The following CFAP20DC variants were observed in gnomAD, a reference collection of about 807,000 sequenced individuals.
CFAP20DC encodes the protein CFAP20 domain containing, also known as protein CFAP20DC.
CFAP20DC carries 84 observed loss-of-function variants against 101.7 expected under a neutral mutation model. The ratio of observed to expected loss-of-function variants is 0.83; its 90% CI spans 0.69 to 0.99. The LOEUF is 0.99. Among genes scored for constraint, CFAP20DC ranks in the 50% least tolerant of loss-of-function variants. The pLI is 0.00. For synonymous variants in CFAP20DC, 359 were observed against 351.2 expected (o/e 1.02, Z -0.25); for missense variants, 1,007 against 970.3 (o/e 1.04, Z -0.50).
chr3:58,815,996 C>A (rs1034397809), intron 14 of CFAP20DC, among the ~76,000 whole-genome samples: 3 of 151,734 alleles, frequency 2.0e-5, no homozygotes, highest in African/African-American at 2.4e-5. Context: ...TTGACCCAGC[C>A]ATCCCATTAC....
chr3:58,930,521 A>G (rs2086493253), intron 5 of CFAP20DC, among the ~76,000 whole-genome samples: 1 of 152,144 alleles, frequency 6.6e-6, no homozygotes, highest in South Asian at 2.1e-4. Flanking sequence ...CCAGAATAAA[A>G]ATGTCCCTTT....
At chr3:58,862,506 T>C in intron 12 of CFAP20DC, 1 of 985,396 alleles carries the variant, frequency 1.0e-6, no homozygotes, top group Middle Eastern at 5.2e-4. Context: ...GCAAGAATAT[T>C]GTGAAAAGAC....
intron 6 of CFAP20DC, among the ~76,000 whole-genome samples, chr3:58,893,758 C>T (rs1279928377): frequency 6.6e-6 from 1 of 150,600 alleles, no homozygotes; most frequent in Non-Finnish European, 1.5e-5. Flanking sequence ...GTGAATCCAT[C>T]TGTTCCTGGG....
At chr3:58,807,395 C>A (rs183605093) in intron 14 of CFAP20DC, among the ~76,000 whole-genome samples, 1 of 152,196 alleles carries the variant, frequency 6.6e-6, no homozygotes, top group Non-Finnish European at 1.5e-5. Flanking sequence ...CAGACAGCAG[C>A]ATTCGTGGTT....
intron 13 of CFAP20DC, among the ~76,000 whole-genome samples, chr3:58,836,425 C>T (rs2076740938): frequency 6.6e-6 from 1 of 152,108 alleles, no homozygotes; most frequent in Non-Finnish European, 1.5e-5. Flanking sequence ...AATCAAACAT[C>T]TGATGATAGA....
chr3:58,730,940 T>C (rs2067633759), intron 3 of CFAP20DC, among the ~76,000 whole-genome samples: 1 of 152,180 alleles, frequency 6.6e-6, no homozygotes, highest in South Asian at 2.1e-4. Context: ...AAAACACGGA[T>C]GCCTCTGTGG....
At position 59,006,439 on chromosome 3, in the gene CFAP20DC, A is replaced by C. The variant is rs971487530; in HGVS notation, c.278+33118T>G. On this transcript the variant is annotated intron_variant, in intron 4 of 16. Coordinates refer to ENST00000482387, the MANE Select transcript of CFAP20DC (RefSeq NM_001394063.1). This position sits in a 1 kb window ranked among gnomAD's most constrained non-coding sequence, Gnocchi z 4.3. ...AAGAATTCACAGATCCTTTGAAAGA[A>C]GCAGCATGCTGCTGCAAATTCTGCG... 6.6e-6 allele frequency among the ~76,000 whole-genome samples: 1 copy of C among 152,244 alleles called. No individual in the cohort carries two copies. Among genetic ancestry groups the C allele is most frequent in the African/African-American group, 2.4e-5 (1 of 41,462 alleles).
chr3:58,826,783 T>A (rs2076068488), intron 14 of CFAP20DC, among the ~76,000 whole-genome samples: 1 of 152,162 alleles, frequency 6.6e-6, no homozygotes, highest in African/African-American at 2.4e-5. Flanking sequence ...TTCAAGGAAT[T>A]CACAACCAGG....
chr3:59,009,395 A>C (rs2093525809), intron 4 of CFAP20DC, among the ~76,000 whole-genome samples: 1 of 152,172 alleles, frequency 6.6e-6, no homozygotes, highest in South Asian at 2.1e-4. Flanking sequence ...ATACCAAAGA[A>C]AGGTAAAAAC....
In CFAP20DC at chr3:58,899,214, G is replaced by A. The variant is rs2082931264; in HGVS notation, c.550+14494C>T. Among the ~76,000 whole-genome samples the A allele has an allele frequency of 1.3e-5, 2 of 152,226 alleles. No individual in the cohort carries two copies. Among genetic ancestry groups the A allele is most frequent in the South Asian group, 4.1e-4 (2 of 4,828 alleles). On this transcript the variant is annotated intron_variant, in intron 6 of 16. Coordinates refer to ENST00000482387, the MANE Select transcript of CFAP20DC (RefSeq NM_001394063.1). The surrounding 1 kb of genome is among the most constrained non-coding windows in gnomAD (Gnocchi z 5.0). ...AAAACAGTCTGGCTGCTTTCTAGTA[G>A]TGCAGCTGTGCTGCGTTGTGGGAGA...
intron 15 of CFAP20DC, among the ~76,000 whole-genome samples, chr3:58,784,188 C>A (rs1295374801): frequency 1.3e-5 from 2 of 151,950 alleles, no homozygotes. Flanking sequence ...TATTGGTTTT[C>A]TATTCCTGGG....
chr3:58,993,153 C>T (rs1355991383), intron 4 of CFAP20DC, among the ~76,000 whole-genome samples: 1 of 151,996 alleles, frequency 6.6e-6, no homozygotes, highest in Non-Finnish European at 1.5e-5. Context: ...TGAAATATTC[C>T]GTATATATTG....
intron 14 of CFAP20DC, among the ~76,000 whole-genome samples, chr3:58,816,417 C>A (rs776306958): frequency 6.6e-6 from 1 of 152,270 alleles, no homozygotes; most frequent in South Asian, 2.1e-4. Context: ...ACAGTGGGCA[C>A]AGGCCAGTGG....
chr3:59,049,659 G>T lies in CFAP20DC; in HGVS notation c.-28C>A, dbSNP rs530726163. ...CCGCAGGGGGCCCAGGGCTTGGGGG[G>T]CACAGAGTTCAGGGTTTCCAGCGAG... is the stretch of plus-strand genomic sequence containing the variant. On this transcript the variant is annotated 5_prime_UTR_variant, in exon 1 of 17. Transcript: ENST00000482387. 2 of 1,535,510 alleles carry T rather than the reference G, an allele frequency of 1.3e-6. No individual in the cohort carries two copies. The highest frequency in any genetic ancestry group is 1.7e-6 in the Non-Finnish European group (2 of 1,146,556).
chr3:58,888,465 A>T (rs956153017), intron 6 of CFAP20DC, among the ~76,000 whole-genome samples: 1 of 152,104 alleles, frequency 6.6e-6, no homozygotes, highest in South Asian at 2.1e-4. Context: ...TTTATTACAT[A>T]GGTAAGTATG....
chr3:58,795,549 C>T lies in CFAP20DC; in HGVS notation c.2237+10846G>A, dbSNP rs770538817. 6.6e-5 allele frequency among the ~76,000 whole-genome samples: 10 copies of T among 152,160 alleles called. No individual in the cohort carries two copies. The highest frequency in any genetic ancestry group is 8.8e-5 in the Non-Finnish European group (6 of 68,030). On this transcript the variant is annotated intron_variant, in intron 15 of 16. Transcript: ENST00000482387. This position sits in a 1 kb window ranked among gnomAD's most constrained non-coding sequence, Gnocchi z 4.2. Reference sequence around the variant, plus strand: ...CTGGAGTGGGAGAGTTACCTGAGCCCGGGAGGCCGAGGCTGCAATGAGCCA... The same window carrying T: ...CTGGAGTGGGAGAGTTACCTGAGCCTGGGAGGCCGAGGCTGCAATGAGCCA...
chr3:58,717,727 T>C lies in CFAP20DC; in HGVS notation c.198-99A>G, dbSNP rs560039234. The C allele has an allele frequency of 2.7e-6, 1 of 368,668 alleles. No individual in the cohort carries two copies. Among genetic ancestry groups the C allele is most frequent in the South Asian group, 2.0e-5 (1 of 49,282 alleles). 22.8% of individuals were successfully genotyped at this position (368,668 alleles called of 1,614,324 possible). ...TCCATTGTTATCAGGAAAACAATGC[T>C]TTTTCTGGAAGTCTCATCCTGAATA... On this transcript the variant is annotated intron_variant, in intron 3 of 3. Transcript: ENST00000486145. This position sits in a 1 kb window ranked among gnomAD's most constrained non-coding sequence, Gnocchi z 4.1.
At chr3:58,990,425 T>C (rs909215767) in intron 4 of CFAP20DC, among the ~76,000 whole-genome samples, 2 of 152,204 alleles carry the variant, frequency 1.3e-5, no homozygotes, top group Non-Finnish European at 2.9e-5. Flanking sequence ...CATCTACTGC[T>C]GCTGAGGAGT....
At chr3:58,723,611 A>C (rs1180599033) in intron 3 of CFAP20DC, among the ~76,000 whole-genome samples, 3 of 152,194 alleles carry the variant, frequency 2.0e-5, no homozygotes, top group African/African-American at 7.2e-5. Flanking sequence ...CTTCTGGATG[A>C]ATGTGAGTGG....
Sources: allele counts gnomAD v4.1 joint callset (sites outside exome capture counted in the v4.1 genomes callset), GRCh38; gene constraint gnomAD v4.1.1; non-coding constraint Gnocchi (gnomAD v3.1); transcripts MANE v1.5; gene names NCBI Gene and HGNC (gene_info 2026-07-23, HGNC 2026-07-21).